Variants in RELN observed in about 807,000 individuals in gnomAD.
The protein encoded by RELN is reelin.
Under a neutral mutation model 427.6 loss-of-function variants are expected in RELN, and 108 were observed. The ratio of observed to expected loss-of-function variants is 0.25; its 90% confidence interval spans 0.22 to 0.30. The LOEUF is 0.30. Ranked by LOEUF, RELN falls within the 10% of genes least tolerant of loss-of-function variation. The pLI is 1.00. For synonymous variants in RELN, 1,524 were observed against 1,513.4 expected, an observed-to-expected ratio of 1.01 and a Z score of -0.16; for missense variants, 3,715 against 4,302.8, an observed-to-expected ratio of 0.86 and a Z score of 3.82.
At chr7:103,907,192 T>G (rs6964065) in intron 2 of RELN, among the ~76,000 whole-genome samples, 18,618 of 151,414 alleles carry the variant, frequency 0.12, 1,425 homozygotes, top group East Asian at 0.32. Flanking sequence ...CCGAGGCGGT[T>G]GGATCATGAG....
At chr7:103,498,585 G>A (rs1022158683) in intron 53 of RELN, among the ~76,000 whole-genome samples, 3 of 151,908 alleles carry the variant, frequency 2.0e-5, no homozygotes, top group African/African-American at 7.3e-5. Context: ...TCTGCCTCCC[G>A]GGTTCAAGCA....
At chr7:103,938,459 TTTTTA>T (rs1215053872) in intron 1 of RELN, among the ~76,000 whole-genome samples, 2 of 152,190 alleles carry the variant, frequency 1.3e-5, no homozygotes, top group Non-Finnish European at 2.9e-5. Flanking sequence ...TTTGATATAA[TTTTTA>T]TTTTAATTTT....
intron 10 of RELN, among the ~76,000 whole-genome samples, chr7:103,688,870 T>A (rs190850917): frequency 5.9e-5 from 9 of 152,258 alleles, no homozygotes; most frequent in Admixed American, 3.9e-4. Flanking sequence ...TTACCTAACG[T>A]CTGTTGTCTT....
intron 28 of RELN, among the ~76,000 whole-genome samples, chr7:103,586,798 A>G (rs1347926463): frequency 1.3e-5 from 2 of 152,202 alleles, no homozygotes; most frequent in Non-Finnish European, 2.9e-5. Context: ...CCAAAATAAA[A>G]TAAGTACTAG....
At chr7:103,646,196 T>C (rs1162694286) in intron 16 of RELN, among the ~76,000 whole-genome samples, 1 of 151,410 alleles carries the variant, frequency 6.6e-6, no homozygotes, top group African/African-American at 2.4e-5. Context: ...AACAACATAA[T>C]ATTGCACCTC....
chr7:103,645,043 G>A (rs1832771194), intron 16 of RELN, among the ~76,000 whole-genome samples: 1 of 151,646 alleles, frequency 6.6e-6, no homozygotes, highest in African/African-American at 2.4e-5. Flanking sequence ...CTTCATAAAT[G>A]AAGAAGAAAT....
In RELN at chr7:103,521,122, G is replaced by A. The variant is rs1036013593; in HGVS notation, c.7668+900C>T. 5.3e-5 allele frequency among the ~76,000 whole-genome samples: 8 copies of A among 150,386 alleles called. No individual in the cohort carries two copies. The South Asian group carries it at 1.3e-3, about 24-fold the overall frequency. On this transcript the variant is annotated intron_variant, in intron 48 of 64. Transcript: ENST00000428762. ...CTCCCGAGTAGCTGGGACTACAGGC[G>A]CCCGCCACCGCGCCCGGCTAATTTT... is the stretch of plus-strand genomic sequence containing the variant.
intron 47 of RELN, among the ~76,000 whole-genome samples, chr7:103,522,639 T>C (rs1230216501): frequency 6.6e-6 from 1 of 152,134 alleles, no homozygotes; most frequent in Non-Finnish European, 1.5e-5. Flanking sequence ...GCAATAACTG[T>C]CACTTCTTAC....
chr7:103,701,141 G>A (rs1834082529), intron 8 of RELN, 135 bp from the exon 9 acceptor site: 1 of 676,084 alleles, frequency 1.5e-6, no homozygotes. Context: ...TTCTAATGAT[G>A]CTGAAATCTC....
Position 103,572,262 on chromosome 7 carries a change from T to G in RELN, c.4512-2A>C. ...ATTTGTATATAAAATTGAACAAGTC[T>G]GGGGAATAAAAACTTTAGTTTACTT... On this transcript the variant is annotated splice_acceptor_variant, in intron 30 of 64. Coordinates refer to ENST00000428762, the MANE Select transcript of RELN (RefSeq NM_005045.4). LOFTEE classifies it high-confidence loss of function. 6.5e-7 allele frequency: 1 copy of G among 1,540,902 alleles called. No homozygotes were observed. Among genetic ancestry groups the G allele is most frequent in the South Asian group, 1.1e-5 (1 of 89,644 alleles).
chr7:103,928,729 A>T (rs1795798238), intron 1 of RELN, among the ~76,000 whole-genome samples: 1 of 152,170 alleles, frequency 6.6e-6, no homozygotes. Context: ...TTCTTAGGAG[A>T]CTTCATGTAT....
At chr7:103,946,683 G>A (rs1325135678) in intron 1 of RELN, among the ~76,000 whole-genome samples, 1 of 152,152 alleles carries the variant, frequency 6.6e-6, no homozygotes, top group African/African-American at 2.4e-5. Context: ...CAATAGAGTT[G>A]CTATATACTT....
chr7:103,874,722 A>T (rs62482296), intron 2 of RELN, among the ~76,000 whole-genome samples: 1 of 146,738 alleles, frequency 6.8e-6, no homozygotes, highest in Admixed American at 6.8e-5. Flanking sequence ...ACAAACAAAT[A>T]GAAGAACATT....
At chr7:103,514,657 T>TA (rs577046475) in intron 50 of RELN, among the ~76,000 whole-genome samples, 14,528 of 151,270 alleles carry the variant, frequency 0.096, 906 homozygotes, top group East Asian at 0.26. Context: ...GAAACTGACT[T>TA]AAAAAAAAGA....
At chr7:103,565,198 C>T (rs939938317) in intron 34 of RELN, 80 bp downstream of exon 34, 3 of 1,507,242 alleles carry the variant, frequency 2.0e-6, no homozygotes, top group Non-Finnish European at 2.8e-6. Context: ...TAATAGAATC[C>T]CCAGGCCGAA....
Position 103,862,500 on chromosome 7 carries a change from C to T in RELN, c.338-28828G>A, listed in dbSNP as rs546131618. On this transcript the variant is annotated intron_variant, in intron 2 of 64. Coordinates refer to ENST00000428762, the MANE Select transcript of RELN (RefSeq NM_005045.4). Reference sequence around the variant, plus strand: ...TCTTTCTCCCTCTCTGGCTGTCTCACCCCATGTTCTTCCCACCCCTGTCTC... The same window carrying T: ...TCTTTCTCCCTCTCTGGCTGTCTCATCCCATGTTCTTCCCACCCCTGTCTC... Among the ~76,000 whole-genome samples, 14 of 151,878 alleles carry T rather than the reference C, an allele frequency of 9.2e-5. No individual in the cohort carries two copies. The South Asian group carries it at 2.1e-3, about 23-fold the overall frequency.
intron 4 of RELN, among the ~76,000 whole-genome samples, chr7:103,758,509 T>C (rs1225606295): frequency 1.3e-5 from 2 of 151,902 alleles, no homozygotes; most frequent in Admixed American, 6.6e-5. Context: ...CTAGCCTACT[T>C]TGACTTGTTT....
chr7:103,545,626 T>A (rs1377764186), intron 41 of RELN, among the ~76,000 whole-genome samples: 3 of 151,992 alleles, frequency 2.0e-5, no homozygotes, highest in Non-Finnish European at 4.4e-5. Context: ...TGAAGACTTC[T>A]CCATCCTTAC....
Position 103,814,774 on chromosome 7 carries a change from C to G in RELN, c.473+18763G>C, listed in dbSNP as rs75953394. 1.2e-3 allele frequency among the ~76,000 whole-genome samples: 173 copies of G among 149,314 alleles called. 1 individual carries two copies. The East Asian group carries it at 0.032, about 28-fold the overall frequency. On this transcript the variant is annotated intron_variant, in intron 3 of 64. Coordinates refer to ENST00000428762, the MANE Select transcript of RELN (RefSeq NM_005045.4). Reference sequence around the variant, plus strand: ...GTCACCATGTAGCTCTGTGACAGAGCTCACCCCTCTCTGGGCCTCAGTTTC... The same window carrying G: ...GTCACCATGTAGCTCTGTGACAGAGGTCACCCCTCTCTGGGCCTCAGTTTC...
Sources: allele counts gnomAD v4.1 joint callset (sites outside exome capture counted in the v4.1 genomes callset), GRCh38; gene constraint gnomAD v4.1.1; transcripts MANE v1.5; gene names NCBI Gene and HGNC (gene_info 2026-07-23, HGNC 2026-07-21).